The following MRPS18A variants were observed in gnomAD, a reference collection of about 807,000 sequenced individuals.
MRPS18A encodes the protein mitochondrial ribosomal protein S18A, also known as large ribosomal subunit protein mL66.
In MRPS18A, 20 loss-of-function variants were observed where a neutral mutation model predicts 22.7. The observed-to-expected ratio is 0.88, with a 90% CI of 0.62 to 1.28. The LOEUF (loss-of-function observed/expected upper bound fraction) is 1.28. MRPS18A is among the 50% of genes most tolerant of loss of function. MRPS18A has a pLI of 0.00. For synonymous variants in MRPS18A, 106 were observed against 99.1 expected (o/e 1.07, Z -0.41); for missense variants, 294 against 262.6 (o/e 1.12, Z -0.83).
intron 5 of MRPS18A, among the ~76,000 whole-genome samples, chr6:43,672,842 T>C (rs1299138150): frequency 2.0e-5 from 3 of 152,190 alleles, no homozygotes; most frequent in African/African-American, 7.2e-5. Flanking sequence ...CTGCCAGCCC[T>C]GTGTTGACAG....
In MRPS18A at chr6:43,681,229, T is replaced by C. The variant is rs567543813; in HGVS notation, c.113-109A>G. 3.3e-4 allele frequency: 360 copies of C among 1,097,376 alleles called. 2 individuals are homozygous for C. The African/African-American group carries it at 5.0e-3, about 15-fold the overall frequency. The allele number at this position is 1,097,376 out of a possible 1,614,324, so 68.0% of individuals were successfully genotyped here. A position where few individuals can be genotyped will look rare whatever the true frequency, so the allele number is the denominator to read the frequency against. The stretch of plus-strand genomic sequence containing the variant: ...CTGGAAAAAAGCAGCCTTCCATCTG[T>C]ACTCTCTCATGGTCTCCACCTAGAA... On this transcript the variant is annotated intron_variant, in intron 1 of 5. Coordinates refer to ENST00000372133, the MANE Select transcript of MRPS18A (RefSeq NM_018135.4).
intron 1 of MRPS18A, among the ~76,000 whole-genome samples, chr6:43,682,017 C>G (rs1774446955): frequency 6.6e-6 from 1 of 152,210 alleles, no homozygotes; most frequent in Admixed American, 6.5e-5. Flanking sequence ...AAGATAGAAG[C>G]CAGACTGGGT....
intron 5 of MRPS18A, chr6:43,672,265 G>C: frequency 2.3e-6 from 1 of 436,490 alleles, no homozygotes; most frequent in Non-Finnish European, 4.7e-6. Context: ...GGCGAGAAGA[G>C]CTGATGTAAG....
In MRPS18A at chr6:43,673,133, A is replaced by G. The variant is rs60569395; in HGVS notation, c.447-1227T>C. Among the ~76,000 whole-genome samples the G allele has an allele frequency of 0.16, 23,836 of 150,780 alleles. 2,179 individuals carry two copies. Among genetic ancestry groups the G allele is most frequent in the East Asian group, 0.27 (1,399 of 5,118 alleles). On this transcript the variant is annotated intron_variant, in intron 5 of 5. Coordinates refer to ENST00000372133, the MANE Select transcript of MRPS18A (RefSeq NM_018135.4). This position sits in a 1 kb window ranked among gnomAD's most constrained non-coding sequence, Gnocchi z 4.2. ...CTCTGGAGTAGCTTGGATTACAGGCACCCGCCACAATGCATGGCTAATTTT... is the reference window on the plus strand; with the variant it reads ...CTCTGGAGTAGCTTGGATTACAGGCGCCCGCCACAATGCATGGCTAATTTT...
intron 5 of MRPS18A, 108 bp from the exon 6 acceptor site, chr6:43,672,014 C>T (rs1277020067): frequency 7.8e-7 from 1 of 1,284,646 alleles, no homozygotes; most frequent in Non-Finnish European, 1.0e-6. Context: ...GCAAGCAAAT[C>T]CTTTCACCAG....
intron 2 of MRPS18A, among the ~76,000 whole-genome samples, chr6:43,678,938 GA>G (rs67496990): frequency 1.1e-5 from 1 of 94,508 alleles, no homozygotes; most frequent in Non-Finnish European, 2.0e-5. Context: ...TTCCGTCCTC[GA>G]AAAAAACAAA....
chr6:43,685,450 C>T (rs1490830728), intron 1 of MRPS18A, among the ~76,000 whole-genome samples: 2 of 152,122 alleles, frequency 1.3e-5, no homozygotes, highest in African/African-American at 2.4e-5. Flanking sequence ...TGTTTAGCAG[C>T]GTCCCTCGCC....
At chr6:43,679,390 A>G (rs2127948396) in intron 2 of MRPS18A, among the ~76,000 whole-genome samples, 1 of 152,348 alleles carries the variant, frequency 6.6e-6, no homozygotes, top group Middle Eastern at 3.4e-3. Flanking sequence ...TACAAAAGAA[A>G]GAAAAAACTA....
In MRPS18A at chr6:43,687,736, A is replaced by G. The variant is rs1467288602; in HGVS notation, c.44T>C (p.Leu15Pro). 19 of 1,587,576 alleles carry G rather than the reference A, an allele frequency of 1.2e-5. No individual in the cohort carries two copies. The highest frequency in any genetic ancestry group is 1.5e-5 in the Non-Finnish European group (18 of 1,167,164). The stretch of plus-strand genomic sequence containing the variant: ...TGCCGGGCCCGCTAGTAGCCCACGG[A>G]GAAGCCGCCCACAGCCGGACACCAG... The part of the protein sequence containing the change: ...KALVSGCGRL[L>P]RGLLAGPAAT... Residue 15 changes from leucine to proline, a missense_variant, in exon 1 of 6, where the codon CTC (leucine) becomes CCC (proline). Leu to Pro is a moderately conservative substitution (Grantham distance 98). Coordinates refer to ENST00000372133, the MANE Select transcript of MRPS18A (RefSeq NM_018135.4).
At chr6:43,676,223 T>C (rs1381549858) in intron 3 of MRPS18A, among the ~76,000 whole-genome samples, 1 of 152,226 alleles carries the variant, frequency 6.6e-6, no homozygotes, top group Non-Finnish European at 1.5e-5. Flanking sequence ...ATCTTTTATG[T>C]ACCTGAAGCA....
In MRPS18A at chr6:43,671,235, A is replaced by C; in HGVS notation, c.*527T>G. The C allele has an allele frequency of 1.8e-6, 1 of 545,112 alleles. No individual in the cohort carries two copies. Among genetic ancestry groups the C allele is most frequent in the East Asian group, 3.2e-5 (1 of 31,532 alleles). 33.8% of individuals were successfully genotyped at this position (545,112 alleles called of 1,614,324 possible). ...ACGCAGTTTCTTGGATTCACACGAG[A>C]GCGGCAAGTGTGTCAGGCAGCCCAC... On this transcript the variant is annotated 3_prime_UTR_variant, in exon 6 of 6. Coordinates refer to ENST00000372133, the MANE Select transcript of MRPS18A (RefSeq NM_018135.4).
chr6:43,673,053 T>C lies in MRPS18A; in HGVS notation c.447-1147A>G, dbSNP rs1157983187. ...CCCAAGCTGGAGTGCAGTGGCGCGA[T>C]CTCGGCTCACTGCAACTTCCGCCTC... is the stretch of plus-strand genomic sequence containing the variant. On this transcript the variant is annotated intron_variant, in intron 5 of 5. Transcript: ENST00000372133. The surrounding 1 kb of genome is among the most constrained non-coding windows in gnomAD (Gnocchi z 4.2). 2.0e-5 allele frequency among the ~76,000 whole-genome samples: 3 copies of C among 150,576 alleles called. No individual in the cohort carries two copies. Among genetic ancestry groups the C allele is most frequent in the African/African-American group, 7.3e-5 (3 of 40,872 alleles).
rs867370772 is a variant in MRPS18A, at chr6:43,687,775, G to A, written c.5C>T (p.Ala2Val). ...GCCGGACACCAGAGCCTTGAGGGCCGCCATCTTCAAAAACCTACCCTGACC... is the reference window on the plus strand; with the variant it reads ...GCCGGACACCAGAGCCTTGAGGGCCACCATCTTCAAAAACCTACCCTGACC... MAALKALVSGCG... is the reference protein window; with the variant it reads MVALKALVSGCG... Residue 2 changes from alanine to valine, a missense_variant, in exon 1 of 6, where the codon GCG (alanine) becomes GTG (valine). Physicochemically the swap from Ala to Val is moderately conservative, Grantham distance 64. Coordinates refer to ENST00000372133, the MANE Select transcript of MRPS18A (RefSeq NM_018135.4). The A allele has an allele frequency of 1.7e-5, 27 of 1,570,398 alleles. No individual in the cohort carries two copies. The South Asian group carries it at 2.0e-4, about 12-fold the overall frequency.
intron 1 of MRPS18A, among the ~76,000 whole-genome samples, chr6:43,681,447 G>A (rs150935926): frequency 2.5e-4 from 38 of 152,336 alleles, no homozygotes; most frequent in African/African-American, 8.4e-4. Flanking sequence ...CCTGTCCTAC[G>A]GTGGCTAGCA....
Position 43,672,028 on chromosome 6 carries a change from C to T in MRPS18A, c.447-122G>A, listed in dbSNP as rs748437660. 929 of 1,196,526 alleles carry T rather than the reference C, an allele frequency of 7.8e-4. 1 individual carries two copies. Among genetic ancestry groups the T allele is most frequent in the Non-Finnish European group, 9.4e-4 (821 of 876,282 alleles). The allele number at this position is 1,196,526 out of a possible 1,614,324, so 74.1% of individuals were successfully genotyped here. A position where few individuals can be genotyped will look rare whatever the true frequency, so the allele number is the denominator to read the frequency against. ...GGCAAGCAAATCCTTTCACCAGTTT[C>T]CCTTTCCTGAAGTGCAGGGATTTTC... On this transcript the variant is annotated intron_variant, in intron 5 of 5. Transcript: ENST00000372133.
At chr6:43,678,482 ACACACAGAACCGAG>A in intron 3 of MRPS18A, 22 bp downstream of exon 3, 1 of 1,480,808 alleles carries the variant, frequency 6.8e-7, no homozygotes. Context: ...GAACTTCATG[ACACACAGAACCGAG>A]TGTCTCTGTA....
intron 2 of MRPS18A, 23 bp downstream of exon 2, chr6:43,681,066 A>G (rs2236345): frequency 0.076 from 122,264 of 1,611,398 alleles, 6,722 homozygotes; most frequent in African/African-American, 0.27. Flanking sequence ...GAGGTTATAC[A>G]TGGCCAACTC....
chr6:43,678,961 A>G (rs145381830), intron 2 of MRPS18A, among the ~76,000 whole-genome samples: 109 of 152,310 alleles, frequency 7.2e-4, no homozygotes, highest in African/African-American at 2.2e-3. Context: ...GCACCAGAAC[A>G]CTATACTTTT....
chr6:43,672,598 C>G, intron 5 of MRPS18A: 1 of 328,714 alleles, frequency 3.0e-6, no homozygotes, highest in South Asian at 2.3e-5. Context: ...TGGATCCTGT[C>G]CAGAAAGGCC....
Sources: allele counts gnomAD v4.1 joint callset (sites outside exome capture counted in the v4.1 genomes callset), GRCh38; gene constraint gnomAD v4.1.1; non-coding constraint Gnocchi (gnomAD v3.1); transcripts MANE v1.5; gene names NCBI Gene and HGNC (gene_info 2026-07-23, HGNC 2026-07-21).